Variants in HMMR observed in about 807,000 individuals in gnomAD.
The protein encoded by HMMR is hyaluronan mediated motility receptor, also known as intracellular hyaluronic acid-binding protein.
In HMMR, 108 loss-of-function variants were observed where a neutral mutation model predicts 101.0. The observed-to-expected ratio is 1.07, with a 90% confidence interval of 0.92 to 1.25. The LOEUF (loss-of-function observed/expected upper bound fraction) is 1.25. Among genes scored for constraint, HMMR ranks in the 50% most tolerant of loss-of-function variants. The pLI is 0.00. For missense variants in HMMR, 813 were observed against 788.7 expected, an observed-to-expected ratio of 1.03 and a Z score of -0.37; for synonymous variants, 296 against 276.4, an observed-to-expected ratio of 1.07 and a Z score of -0.70.
chr5:163,477,366 G>A (rs1472730417), intron 11 of HMMR, among the ~76,000 whole-genome samples: 1 of 152,138 alleles, frequency 6.6e-6, no homozygotes, highest in Non-Finnish European at 1.5e-5. Flanking sequence ...GGCTAGATAT[G>A]AGTTTGTATT....
Position 163,483,420 on chromosome 5 carries a change from T to TGAG in HMMR, c.1785+53_1785+54insGAG. 3 of 991,168 alleles carry TGAG rather than the reference T, an allele frequency of 3.0e-6. No individual in the cohort carries two copies. In the Admixed American group the frequency reaches 5.8e-5, roughly 19 times the overall value. The allele number at this position is 991,168 out of a possible 1,614,324, so 61.4% of individuals were successfully genotyped here. A position where few individuals can be genotyped will look rare whatever the true frequency, so the allele number is the denominator to read the frequency against. Reference sequence around the variant, plus strand: ...GTGTTTATTTTAGGGACTCACTTTGTTCCCTATTATAGTGAGGACAGTGAC... The same window carrying TGAG: ...GTGTTTATTTTAGGGACTCACTTTGTGAGTCCCTATTATAGTGAGGACAGTGAC... On this transcript the variant is annotated intron_variant, in intron 15 of 17. Coordinates refer to ENST00000393915, the MANE Select transcript of HMMR (RefSeq NM_001142556.2).
At chr5:163,489,738 T>C (rs72808226) in intron 16 of HMMR, among the ~76,000 whole-genome samples, 20,538 of 152,160 alleles carry the variant, frequency 0.13, 1,423 homozygotes, top group South Asian at 0.15. Flanking sequence ...CACCTCACAA[T>C]TGCATTTGTC....
At chr5:163,482,972 G>C in intron 13 of HMMR, 48 bp from the exon 14 acceptor site, 1 of 1,497,374 alleles carries the variant, frequency 6.7e-7, no homozygotes, top group South Asian at 1.3e-5. Flanking sequence ...AAAAATTAAT[G>C]AAAGTGGCTA....
At chr5:163,474,877 T>C (rs929754743) in intron 10 of HMMR, among the ~76,000 whole-genome samples, 5 of 151,972 alleles carry the variant, frequency 3.3e-5, no homozygotes, top group Non-Finnish European at 7.4e-5. Flanking sequence ...CCTGGAAAGA[T>C]TTCAGCAACA....
In HMMR at chr5:163,463,185, T is replaced by C. The variant is rs140496783; in HGVS notation, c.47-671T>C. 7.9e-4 allele frequency among the ~76,000 whole-genome samples: 120 copies of C among 152,370 alleles called. No homozygotes were observed. The Middle Eastern group carries it at 0.02, about 26-fold the overall frequency. On this transcript the variant is annotated intron_variant, in intron 1 of 17. Coordinates refer to ENST00000393915, the MANE Select transcript of HMMR (RefSeq NM_001142556.2). ...ATATAGTCTAGTACAATTTGTACTTTGTGTAACATTGGCTTTTTGAATTTC... is the reference window on the plus strand; with the variant it reads ...ATATAGTCTAGTACAATTTGTACTTCGTGTAACATTGGCTTTTTGAATTTC...
intron 12 of HMMR, among the ~76,000 whole-genome samples, chr5:163,482,106 G>A (rs1561644628): frequency 1.3e-5 from 2 of 152,050 alleles, no homozygotes; most frequent in African/African-American, 2.4e-5. Context: ...TAGTAGTGAT[G>A]GGGTTTCACC....
chr5:163,488,177 T>G (rs1453461111), intron 16 of HMMR, among the ~76,000 whole-genome samples: 1 of 152,170 alleles, frequency 6.6e-6, no homozygotes, highest in Non-Finnish European at 1.5e-5. Flanking sequence ...TTTTATAATT[T>G]CATCTTTTAT....
At position 163,469,189 on chromosome 5, in the gene HMMR, C is replaced by G. The variant is rs181908820; in HGVS notation, c.274-452C>G. 9.0e-3 allele frequency among the ~76,000 whole-genome samples: 1,369 copies of G among 151,306 alleles called. 22 individuals are homozygous for G. Among genetic ancestry groups the G allele is most frequent in the African/African-American group, 0.032 (1,305 of 41,224 alleles). On this transcript the variant is annotated intron_variant, in intron 4 of 17. Transcript: ENST00000393915. ...ACCATCCTGGCTAATATGGTGAAAC[C>G]CCGTCTCTATTAAAAATACAAAAAA...
In HMMR at chr5:163,463,845, A is replaced by G. The variant is rs1758616354; in HGVS notation, c.47-11A>G. 1.6e-6 allele frequency: 2 copies of G among 1,214,298 alleles called. No individual in the cohort carries two copies. The highest frequency in any genetic ancestry group is 2.7e-4 in the Middle Eastern group (1 of 3,734). The allele number at this position is 1,214,298 out of a possible 1,614,324, so 75.2% of individuals were successfully genotyped here. A position where few individuals can be genotyped will look rare whatever the true frequency, so the allele number is the denominator to read the frequency against. ...ATTAGATAATATATTAATGTTTTCT[A>G]TTTCCTCTAGGTTGTGCACCATCTC... is the stretch of plus-strand genomic sequence containing the variant. On this transcript the variant is annotated splice_polypyrimidine_tract_variant and intron_variant, in intron 1 of 17. Coordinates refer to ENST00000393915, the MANE Select transcript of HMMR (RefSeq NM_001142556.2).
chr5:163,467,639 A>C, intron 3 of HMMR, 62 bp from the exon 4 acceptor site: 1 of 906,852 alleles, frequency 1.1e-6, no homozygotes, highest in East Asian at 2.5e-5. Flanking sequence ...CTGAAAAACA[A>C]ATTTGGCTGT....
intron 10 of HMMR, chr5:163,474,416 A>G: frequency 1.8e-6 from 1 of 541,482 alleles, no homozygotes. Context: ...TGGGAAAATG[A>G]CAACAGATAC....
intron 7 of HMMR, among the ~76,000 whole-genome samples, chr5:163,471,835 A>G (rs530397113): frequency 4.0e-4 from 61 of 152,222 alleles, no homozygotes; most frequent in Non-Finnish European, 6.8e-4. Context: ...AAATGTGTGG[A>G]TAGTAAGTAT....
intron 3 of HMMR, 152 bp downstream of exon 3, chr5:163,464,954 A>C: frequency 1.7e-6 from 1 of 596,120 alleles, no homozygotes; most frequent in South Asian, 2.1e-5. Flanking sequence ...GAACTCTAGC[A>C]AGTTTTACAT....
At chr5:163,483,193 G>C (rs184181) in intron 14 of HMMR, 21 bp downstream of exon 14, 375,930 of 1,602,922 alleles carry the variant, frequency 0.23, 45,946 homozygotes, top group African/African-American at 0.27. Context: ...ATTAGAACCT[G>C]AGTGCCTTGT....
At chr5:163,473,807 T>C (rs1758978966) in intron 9 of HMMR, among the ~76,000 whole-genome samples, 1 of 152,080 alleles carries the variant, frequency 6.6e-6, no homozygotes, top group African/African-American at 2.4e-5. Flanking sequence ...TATACAGTCA[T>C]ATAATTCTTG....
chr5:163,488,985 C>T (rs1581205043), intron 16 of HMMR, among the ~76,000 whole-genome samples: 1 of 152,170 alleles, frequency 6.6e-6, no homozygotes, highest in Non-Finnish European at 1.5e-5. Context: ...ACCTTTTTGG[C>T]ACCAGGGACC....
intron 16 of HMMR, among the ~76,000 whole-genome samples, 164 bp from the exon 17 acceptor site, chr5:163,490,226 T>A (rs1339537397): frequency 6.6e-6 from 1 of 152,200 alleles, no homozygotes; most frequent in East Asian, 1.9e-4. Context: ...AGCTGTTTCA[T>A]GTCATTTTGT....
At chr5:163,484,486 T>C (rs548071406) in intron 16 of HMMR, among the ~76,000 whole-genome samples, 12 of 152,292 alleles carry the variant, frequency 7.9e-5, no homozygotes, top group African/African-American at 2.9e-4. Flanking sequence ...GATGAATTCA[T>C]TAAGCTTTAC....
chr5:163,466,935 G>C (rs982043398), intron 3 of HMMR, among the ~76,000 whole-genome samples: 4 of 152,106 alleles, frequency 2.6e-5, no homozygotes, highest in Non-Finnish European at 5.9e-5. Context: ...TGAAGAAACT[G>C]TTCTGTAATT....
Sources: gnomAD v4.1 joint callset for allele counts (sites outside exome capture counted in the v4.1 genomes callset) on GRCh38, gnomAD v4.1.1 for gene constraint, MANE v1.5 for transcripts, NCBI Gene and HGNC (gene_info 2026-07-23, HGNC 2026-07-21) for gene names.